ADGRE1: variants seen among roughly 807,000 people sequenced by gnomAD.
ADGRE1 encodes EGF-like module receptor 1.
In ADGRE1, 82 loss-of-function variants were observed where a neutral mutation model predicts 102.7. The ratio of observed to expected loss-of-function variants is 0.80; its 90% CI spans 0.67 to 0.96. The LOEUF is 0.96. Ranked by LOEUF, ADGRE1 falls within the 40% of genes least tolerant of loss-of-function variation. The pLI, the probability that ADGRE1 is intolerant of heterozygous loss-of-function variation, is 0.00. For synonymous variants in ADGRE1, 398 were observed against 399.6 expected (o/e 1.00, Z 0.05); for missense variants, 1,032 against 1,085.3 (o/e 0.95, Z 0.69).
chr19:6,905,599 C>T lies in ADGRE1; in HGVS notation c.950-834C>T, dbSNP rs185446431. On this transcript the variant is annotated intron_variant, in intron 8 of 20. Transcript: ENST00000312053. ...AACTCGTGATCTTGTGATCCTCCCA[C>T]CTCAGCCTCTCAAAGTGCTGGGATT... Among the ~76,000 whole-genome samples, 235 of 152,144 alleles carry T rather than the reference C, an allele frequency of 1.5e-3. 1 individual carries two copies. The highest frequency in any genetic ancestry group is 5.4e-3 in the African/African-American group (223 of 41,526).
intron 10 of ADGRE1, among the ~76,000 whole-genome samples, chr19:6,912,006 CACACACATATACACACTCCTG>C (rs1974214759): frequency 6.6e-6 from 1 of 151,894 alleles, no homozygotes; most frequent in Non-Finnish European, 1.5e-5. Flanking sequence ...CATACACATC[CACACACATATACACACTCCTG>C]ACACACATAC....
intron 18 of ADGRE1, 87 bp downstream of exon 18, chr19:6,935,165 G>C: frequency 1.0e-6 from 1 of 984,410 alleles, no homozygotes; most frequent in Non-Finnish European, 1.5e-6. Context: ...TGTGTGCTGG[G>C]TCCTATGCCT....
chr19:6,926,602 G>A lies in ADGRE1; in HGVS notation c.2222+1G>A, dbSNP rs1378587049. The A allele has an allele frequency of 6.2e-7, 1 of 1,614,116 alleles. No homozygotes were observed. The highest frequency in any genetic ancestry group is 1.1e-5 in the South Asian group (1 of 91,080). On this transcript the variant is annotated splice_donor_variant, in intron 16 of 20. Transcript: ENST00000312053. LOFTEE classifies it high-confidence loss of function. ...CACAGGGCTATGGAATGCATAATCG[G>A]TGAGTGACATCCTCTCTCTTCCTGA...
chr19:6,894,437 A>G (rs1366243806), intron 2 of ADGRE1, among the ~76,000 whole-genome samples: 1 of 152,202 alleles, frequency 6.6e-6, no homozygotes, highest in African/African-American at 2.4e-5. Flanking sequence ...GAGTCAGGGA[A>G]GGCTTCCTGG....
At chr19:6,938,223 G>C (rs1478382205) in intron 20 of ADGRE1, among the ~76,000 whole-genome samples, 2 of 152,032 alleles carry the variant, frequency 1.3e-5, no homozygotes, top group Non-Finnish European at 2.9e-5. Flanking sequence ...TGTAATCCCA[G>C]CTACTCATGA....
chr19:6,901,908 C>T lies in ADGRE1; in HGVS notation c.548C>T (p.Pro183Leu). 1 of 1,614,180 alleles carries T rather than the reference C, an allele frequency of 6.2e-7. No individual in the cohort carries two copies. The highest frequency in any genetic ancestry group is 1.3e-5 in the African/African-American group (1 of 75,052). The stretch of plus-strand genomic sequence containing the variant: ...GAATGTGCAGATCCAAGAGCTTGCC[C>T]AGAGCATGCAACTTGTAATAACACT... ...VDECADPRAC[P>L]EHATCNNTVG... Residue 183 changes from proline to leucine, a missense_variant, in exon 6 of 21, where the codon CCA becomes CTA. Coordinates refer to ENST00000312053, the MANE Select transcript of ADGRE1 (RefSeq NM_001974.5).
Position 6,926,366 on chromosome 19 carries a change from A to G in ADGRE1, c.1987A>G (p.Met663Val). 9 of 1,613,814 alleles carry G rather than the reference A, an allele frequency of 5.6e-6. No homozygotes were observed. The highest frequency in any genetic ancestry group is 6.8e-6 in the Non-Finnish European group (8 of 1,180,032). Residue 663 changes from methionine (M) to valine (V), a missense_variant and splice_region_variant, in exon 16 of 21, where the codon ATG (methionine) becomes GTG (valine). Transcript: ENST00000312053. ...TGATGCGCATGCTTCTCCCCTCCAG[A>G]TGGGCTGCGCCATCATCGCGGGCTT... ...LAGIHKTDNKMGCAIIAGFLH... is the reference protein window; with the variant it reads ...LAGIHKTDNKVGCAIIAGFLH...
intron 13 of ADGRE1, among the ~76,000 whole-genome samples, chr19:6,920,033 A>G (rs922283333): frequency 2.6e-5 from 4 of 152,110 alleles, no homozygotes; most frequent in African/African-American, 9.7e-5. Flanking sequence ...AAGCAAGGAG[A>G]CAAGAGTCTG....
At chr19:6,927,878 G>T (rs1599761634) in intron 16 of ADGRE1, among the ~76,000 whole-genome samples, 2 of 152,046 alleles carry the variant, frequency 1.3e-5, no homozygotes, top group African/African-American at 2.4e-5. Flanking sequence ...CTGCATAGAG[G>T]GAAACAGGAT....
intron 13 of ADGRE1, 116 bp downstream of exon 13, chr19:6,919,863 A>G (rs1974569149): frequency 2.0e-6 from 2 of 997,792 alleles, no homozygotes; most frequent in Non-Finnish European, 3.0e-6. Flanking sequence ...AGCTTCCACA[A>G]TTTCCAGCAA....
chr19:6,905,809 A>G (rs1378978644), intron 8 of ADGRE1, among the ~76,000 whole-genome samples: 1 of 152,226 alleles, frequency 6.6e-6, no homozygotes, highest in Non-Finnish European at 1.5e-5. Context: ...GCAAATGAAT[A>G]TATCTGATGT....
At chr19:6,898,458 T>C in intron 5 of ADGRE1, 5 of 1,593,804 alleles carry the variant, frequency 3.1e-6, no homozygotes, top group East Asian at 2.2e-5. Context: ...ATTTCTCCTG[T>C]ACTGGTGATG....
intron 14 of ADGRE1, among the ~76,000 whole-genome samples, chr19:6,922,411 C>T (rs1311489737): frequency 2.0e-5 from 3 of 151,576 alleles, no homozygotes; most frequent in Non-Finnish European, 1.5e-5. Context: ...GTCAAGAGAT[C>T]GAGACCATCC....
In ADGRE1 at chr19:6,921,707, T is replaced by C; in HGVS notation, c.1621-6T>C. The stretch of plus-strand genomic sequence containing the variant: ...CTTTGTTTTTTTGTTTTTTTGTTTT[T>C]TTTAGCCAAAGCAGAAGTTTGAGAG... On this transcript the variant is annotated splice_region_variant and splice_polypyrimidine_tract_variant and intron_variant, in intron 13 of 20. Transcript: ENST00000312053. 1 of 1,585,334 alleles carries C rather than the reference T, an allele frequency of 6.3e-7. No homozygotes were observed. Among genetic ancestry groups the C allele is most frequent in the Non-Finnish European group, 8.6e-7 (1 of 1,168,526 alleles).
At chr19:6,890,610 C>T (rs1973334072) in intron 2 of ADGRE1, 67 bp downstream of exon 2, 2 of 1,535,180 alleles carry the variant, frequency 1.3e-6, no homozygotes, top group Non-Finnish European at 1.8e-6. Flanking sequence ...GGGGAAACAT[C>T]CCAGGAAGCT....
At position 6,906,514 on chromosome 19, in the gene ADGRE1, C is replaced by G. The variant is rs772898098; in HGVS notation, c.1031C>G (p.Pro344Arg). Residue 344 changes from proline (P) to arginine (R), a missense_variant, in exon 9 of 21, where the codon CCT (proline) becomes CGT (arginine). Coordinates refer to ENST00000312053, the MANE Select transcript of ADGRE1 (RefSeq NM_001974.5). Reference protein sequence around the residue: ...QQCQEGTAVKPAYVSFCAQIN... With the variant: ...QQCQEGTAVKRAYVSFCAQIN... Reference sequence around the variant, plus strand: ...TGCCAAGAGGGAACCGCAGTGAAACCTGCATATGCAAGTATTTTTTAAGGT... The same window carrying G: ...TGCCAAGAGGGAACCGCAGTGAAACGTGCATATGCAAGTATTTTTTAAGGT... 12 of 1,613,108 alleles carry G rather than the reference C, an allele frequency of 7.4e-6. No individual in the cohort carries two copies. The highest frequency in any genetic ancestry group is 1.0e-5 in the Non-Finnish European group (12 of 1,179,434).
chr19:6,926,009 A>C (rs987701283), intron 15 of ADGRE1, among the ~76,000 whole-genome samples: 5 of 152,070 alleles, frequency 3.3e-5, no homozygotes, highest in Non-Finnish European at 7.4e-5. Context: ...GTAAAACTTT[A>C]TTTACAAGGC....
Position 6,928,375 on chromosome 19 carries a change from C to A in ADGRE1, c.2289+164C>A, listed in dbSNP as rs554410263. ...GCGTGGTGGCTCACGCCTGTAATCC[C>A]AGCACTTTGGGAGGCTGAGGCGGGT... On this transcript the variant is annotated intron_variant, in intron 17 of 20. Coordinates refer to ENST00000312053, the MANE Select transcript of ADGRE1 (RefSeq NM_001974.5). The A allele has an allele frequency of 1.1e-5, 16 of 1,477,566 alleles. No homozygotes were observed. The South Asian group carries it at 1.7e-4, about 16-fold the overall frequency. 91.5% of individuals were successfully genotyped at this position (1,477,566 alleles called of 1,614,324 possible). A position where few individuals can be genotyped will look rare whatever the true frequency, so the allele number is the denominator to read the frequency against.
intron 20 of ADGRE1, among the ~76,000 whole-genome samples, chr19:6,938,948 A>G (rs1162343807): frequency 6.6e-6 from 1 of 152,030 alleles, no homozygotes; most frequent in Non-Finnish European, 1.5e-5. Flanking sequence ...GGCGCCCGCC[A>G]GCACACCCAG....
Sources: allele counts gnomAD v4.1 joint callset (sites outside exome capture counted in the v4.1 genomes callset), GRCh38; gene constraint gnomAD v4.1.1; transcripts MANE v1.5; gene names NCBI Gene and HGNC (gene_info 2026-07-23, HGNC 2026-07-21).